SULF1: variants seen among roughly 807,000 people sequenced by gnomAD.
SULF1 encodes sulfatase 1, also known as extracellular sulfatase Sulf-1.
Under a neutral mutation model 110.5 loss-of-function variants are expected in SULF1, and 46 were observed. The observed-to-expected ratio is 0.42, with a 90% CI of 0.33 to 0.53. The LOEUF (loss-of-function observed/expected upper bound fraction) is 0.53, where lower values mean the gene tolerates loss of function less well. Ranked by LOEUF, SULF1 falls within the 20% of genes least tolerant of loss-of-function variation. SULF1 has a pLI of 0.12. For synonymous variants in SULF1, 371 were observed against 387.1 expected, an observed-to-expected ratio of 0.96 and a Z score of 0.49; for missense variants, 941 against 1,094.2, an observed-to-expected ratio of 0.86 and a Z score of 1.98.
intron 13 of SULF1, among the ~76,000 whole-genome samples, chr8:69,607,992 C>G (rs930174614): frequency 6.6e-6 from 1 of 152,132 alleles, no homozygotes; most frequent in Non-Finnish European, 1.5e-5. Context: ...ATGACTAGCC[C>G]CATTCTCTTC....
chr8:69,599,422 A>G (rs761737985), intron 8 of SULF1, among the ~76,000 whole-genome samples: 16 of 152,178 alleles, frequency 1.1e-4, no homozygotes, highest in Non-Finnish European at 1.5e-4. Flanking sequence ...GTTAAAGCAA[A>G]TGGGCTTTGG....
At chr8:69,656,641 A>G (rs535802757) in intron 22 of SULF1, among the ~76,000 whole-genome samples, 1 of 152,332 alleles carries the variant, frequency 6.6e-6, no homozygotes, top group Admixed American at 6.5e-5. Flanking sequence ...GTCCCTGAAT[A>G]GGAAATGATC....
At chr8:69,527,260 G>A (rs1001959191) in intron 3 of SULF1, among the ~76,000 whole-genome samples, 1 of 151,988 alleles carries the variant, frequency 6.6e-6, no homozygotes, top group Non-Finnish European at 1.5e-5. Context: ...TCTGTAAACC[G>A]CATAGAAACA....
intron 5 of SULF1, among the ~76,000 whole-genome samples, chr8:69,569,650 C>T (rs964726619): frequency 6.6e-6 from 1 of 152,192 alleles, no homozygotes; most frequent in African/African-American, 2.4e-5. Context: ...TCTGACTTTT[C>T]TTATACCTGG....
chr8:69,586,835 A>G (rs1806499831), intron 7 of SULF1, among the ~76,000 whole-genome samples: 1 of 152,160 alleles, frequency 6.6e-6, no homozygotes, highest in South Asian at 2.1e-4. Flanking sequence ...CCACATAATC[A>G]AATGTTCATC....
In SULF1 at chr8:69,478,065, A is replaced by G. The variant is rs1420614917; in HGVS notation, c.-391+11115A>G. 2.0e-5 allele frequency among the ~76,000 whole-genome samples: 3 copies of G among 151,990 alleles called. No individual in the cohort carries two copies. The East Asian group carries it at 5.8e-4, about 29-fold the overall frequency. ...AGATGGGTTCTCCCTATGTTGCCCA[A>G]CTGGTCTCAAACCGCTGGGCTAAAG... On this transcript the variant is annotated intron_variant, in intron 1 of 22. Coordinates refer to the SULF1 transcript ENST00000260128.
upstream of SULF1, among the ~76,000 whole-genome samples, chr8:69,491,542 A>C (rs756682037): frequency 1.3e-5 from 2 of 152,230 alleles, no homozygotes; most frequent in African/African-American, 4.8e-5. Flanking sequence ...TTAAGCCCTA[A>C]AGTAAGCTGA....
chr8:69,638,873 A>G lies in SULF1; in HGVS notation c.2551+15A>G. 1 of 1,596,176 alleles carries G rather than the reference A, an allele frequency of 6.3e-7. No homozygotes were observed. Among genetic ancestry groups the G allele is most frequent in the African/African-American group, 1.4e-5 (1 of 73,892 alleles). On this transcript the variant is annotated intron_variant, in intron 21 of 22. Transcript: ENST00000402687. ...TCTTGATGTTGGTAAGGAAAAAAAT[A>G]CTATTTTTTCTATTTTACCTGGAAA...
At chr8:69,634,704 A>G (rs911562009) in intron 19 of SULF1, among the ~76,000 whole-genome samples, 12 of 152,098 alleles carry the variant, frequency 7.9e-5, no homozygotes, top group African/African-American at 2.7e-4. Flanking sequence ...GAGGCTGCAG[A>G]TCACACCACT....
rs191925940 is a variant in SULF1 at position 69,555,514 on chromosome 8, G to A, written c.-133-8025G>A. On this transcript the variant is annotated intron_variant, in intron 3 of 22. Transcript: ENST00000402687. ...TCTACTAAAAATATAAAAATTAGCC[G>A]GGTGTGGTGGTGCATACCTGTAATC... Among the ~76,000 whole-genome samples the A allele has an allele frequency of 2.6e-3, 391 of 152,192 alleles. 1 individual carries two copies. Among genetic ancestry groups the A allele is most frequent in the African/African-American group, 8.0e-3 (331 of 41,508 alleles).
chr8:69,485,662 G>A (rs919831864), intron 1 of SULF1, among the ~76,000 whole-genome samples: 1 of 152,158 alleles, frequency 6.6e-6, no homozygotes, highest in Non-Finnish European at 1.5e-5. Flanking sequence ...GTCGGCTTGT[G>A]TCCAGGGTCC....
In SULF1 at chr8:69,627,759, A is replaced by C. The variant is rs752177352; in HGVS notation, c.1948-13A>C. 32 of 1,572,412 alleles carry C rather than the reference A, an allele frequency of 2.0e-5. No individual in the cohort carries two copies. Among genetic ancestry groups the C allele is most frequent in the Non-Finnish European group, 2.8e-5 (32 of 1,148,686 alleles). On this transcript the variant is annotated splice_polypyrimidine_tract_variant and intron_variant, in intron 16 of 22. Coordinates refer to ENST00000402687, the MANE Select transcript of SULF1 (RefSeq NM_001128205.2). ...GATCTTAATACGTAAGTGCTTGAAA[A>C]CATGTTTTCCAGATTGAAGCTCTGC...
intron 3 of SULF1, among the ~76,000 whole-genome samples, chr8:69,535,237 T>A (rs1335184534): frequency 1.3e-5 from 2 of 152,200 alleles, no homozygotes; most frequent in African/African-American, 4.8e-5. Flanking sequence ...ATGTGGCTGC[T>A]CCAGCTCCAG....
At chr8:69,658,371 A>G (rs910191951) in intron 22 of SULF1, 134 bp from the exon 23 acceptor site, 10 of 647,368 alleles carry the variant, frequency 1.5e-5, no homozygotes, top group Admixed American at 1.5e-4. Flanking sequence ...GTGATAACAA[A>G]TGACTAGGGG....
chr8:69,505,458 CTTGTTAATACCTATTTGGGATGGAAAAT>C (rs1811122288), intron 3 of SULF1, among the ~76,000 whole-genome samples: 1 of 152,078 alleles, frequency 6.6e-6, no homozygotes, highest in Non-Finnish European at 1.5e-5. Flanking sequence ...TTTTCCTAGC[CTTGTTAATACCTATTTGGGATGGAAAAT>C]TTTATTATAA....
chr8:69,558,892 A>C (rs1329857764), intron 3 of SULF1, among the ~76,000 whole-genome samples: 1 of 152,178 alleles, frequency 6.6e-6, no homozygotes, highest in Non-Finnish European at 1.5e-5. Context: ...GAAAATAATA[A>C]ATCTATTATA....
intron 13 of SULF1, among the ~76,000 whole-genome samples, chr8:69,615,621 T>C (rs1358859965): frequency 2.6e-5 from 4 of 152,180 alleles, no homozygotes; most frequent in African/African-American, 7.2e-5. Context: ...TATGCATGTG[T>C]GTAGACATAT....
At chr8:69,485,256 C>T (rs1002311459) in intron 1 of SULF1, among the ~76,000 whole-genome samples, 8 of 152,176 alleles carry the variant, frequency 5.3e-5, no homozygotes, top group African/African-American at 1.2e-4. Flanking sequence ...ATTTACCTAC[C>T]GCCCTTCCCA....
intron 22 of SULF1, among the ~76,000 whole-genome samples, chr8:69,647,039 G>T (rs1007452903): frequency 6.9e-6 from 1 of 144,138 alleles, no homozygotes; most frequent in African/African-American, 2.6e-5. Context: ...CCACCTCCCA[G>T]GTTCAAGCAA....
Sources: allele counts gnomAD v4.1 joint callset (sites outside exome capture counted in the v4.1 genomes callset), GRCh38; gene constraint gnomAD v4.1.1; transcripts MANE v1.5; gene names NCBI Gene and HGNC (gene_info 2026-07-23, HGNC 2026-07-21).